AFF1: variants seen among roughly 807,000 people sequenced by gnomAD.
AFF1 encodes the protein AF4/FMR2 family member 1.
Under a neutral mutation model 121.7 loss-of-function variants are expected in AFF1, and 48 were observed. The observed-to-expected ratio is 0.39, with a 90% CI of 0.31 to 0.50. The LOEUF is 0.50. AFF1 is among the 20% of genes least tolerant of loss of function. The pLI is 0.76. For synonymous variants in AFF1, 613 were observed against 563.0 expected (o/e 1.09, Z -1.26); for missense variants, 1,523 against 1,511.7 (o/e 1.01, Z -0.12).
chr4:87,041,517 C>G (rs1437336762), intron 2 of AFF1, among the ~76,000 whole-genome samples: 2 of 152,184 alleles, frequency 1.3e-5, no homozygotes, highest in Non-Finnish European at 2.9e-5. Flanking sequence ...CTCCAGCTAA[C>G]TGACTCAGGT....
At chr4:86,963,494 G>C (rs17012200) in intron 2 of AFF1, among the ~76,000 whole-genome samples, 26,487 of 152,054 alleles carry the variant, frequency 0.17, 2,506 homozygotes, top group East Asian at 0.31. Context: ...CTTGCGTTCA[G>C]GTTACTATGT....
chr4:87,005,953 A>G (rs778987121), intron 2 of AFF1, among the ~76,000 whole-genome samples: 20 of 152,128 alleles, frequency 1.3e-4, no homozygotes, highest in South Asian at 4.1e-4. Context: ...TGAAAAGACA[A>G]TGTCTTTGTG....
intron 2 of AFF1, among the ~76,000 whole-genome samples, chr4:87,023,265 G>A (rs1728210320): frequency 6.6e-6 from 1 of 152,138 alleles, no homozygotes; most frequent in Non-Finnish European, 1.5e-5. Context: ...GAAGAATTCT[G>A]TTTAGTTTTT....
intron 2 of AFF1, among the ~76,000 whole-genome samples, chr4:86,979,183 C>T (rs569840881): frequency 8.5e-5 from 13 of 152,208 alleles, no homozygotes; most frequent in Admixed American, 4.6e-4. Flanking sequence ...CTGCAACCTC[C>T]GCCTCTTGAG....
chr4:86,944,837 G>A (rs1051597871), intron 1 of AFF1, among the ~76,000 whole-genome samples: 1 of 152,108 alleles, frequency 6.6e-6, no homozygotes, highest in African/African-American at 2.4e-5. Context: ...TGTGGTGTGA[G>A]TGTCCATAAA....
At chr4:87,089,892 C>A in intron 5 of AFF1, 92 bp from the exon 6 acceptor site, 6 of 874,876 alleles carry the variant, frequency 6.9e-6, no homozygotes, top group Non-Finnish European at 9.0e-6. Flanking sequence ...CATTTATGAT[C>A]AATCCATTCT....
intron 7 of AFF1, among the ~76,000 whole-genome samples, chr4:87,094,663 G>A (rs555348993): frequency 5.9e-5 from 9 of 152,346 alleles, no homozygotes; most frequent in Admixed American, 5.9e-4. Context: ...CCAACAGGTA[G>A]GTAAGTTCCT....
In AFF1 at chr4:87,090,052, G is replaced by T; in HGVS notation, c.1173G>T (p.Lys391Asn). 6.2e-7 allele frequency: 1 copy of T among 1,613,802 alleles called. No homozygotes were observed. Among genetic ancestry groups the T allele is most frequent in the South Asian group, 1.1e-5 (1 of 91,056 alleles). Reference protein sequence around the residue: ...IHTPSTAEPSKFPFPTKDSQH... With the variant: ...IHTPSTAEPSNFPFPTKDSQH... Reference sequence around the variant, plus strand: ...CGCCTAGTACAGCTGAGCCATCCAAGTTTCCTTTCCCTACAAAGGTAATTC... The same window carrying T: ...CGCCTAGTACAGCTGAGCCATCCAATTTTCCTTTCCCTACAAAGGTAATTC... Residue 391 changes from lysine (K) to asparagine (N), a missense_variant, in exon 6 of 21, where the codon AAG (lysine) becomes AAT (asparagine). Physicochemically the swap from Lys to Asn is moderately conservative, Grantham distance 94. This residue lies in a region of AFF1 where 905 missense variants were observed against 842.5 expected (regional missense o/e 1.07). Transcript: ENST00000395146.
chr4:86,970,371 A>G (rs1722858116), intron 2 of AFF1, among the ~76,000 whole-genome samples: 1 of 152,164 alleles, frequency 6.6e-6, no homozygotes, highest in African/African-American at 2.4e-5. Flanking sequence ...CACTTCCTAG[A>G]ATGTTATTTG....
chr4:86,939,052 G>GT (rs1471756420), intron 1 of AFF1, among the ~76,000 whole-genome samples: 1 of 152,160 alleles, frequency 6.6e-6, no homozygotes, highest in Admixed American at 6.5e-5. Flanking sequence ...CTAATACCGC[G>GT]TAAGTATTGA....
intron 2 of AFF1, among the ~76,000 whole-genome samples, chr4:86,953,800 A>G (rs989583110): frequency 3.3e-5 from 5 of 151,562 alleles, no homozygotes; most frequent in African/African-American, 1.2e-4. Flanking sequence ...GCTCACTGGA[A>G]CCTCCATCTC....
At chr4:87,112,090 G>T (rs921077545) in intron 11 of AFF1, among the ~76,000 whole-genome samples, 2 of 152,166 alleles carry the variant, frequency 1.3e-5, no homozygotes, top group Non-Finnish European at 2.9e-5. Flanking sequence ...CCTGAGGAAG[G>T]GTGTGAAGGC....
chr4:87,103,293 T>G (rs1403192500), intron 8 of AFF1, among the ~76,000 whole-genome samples: 1 of 152,256 alleles, frequency 6.6e-6, no homozygotes, highest in Non-Finnish European at 1.5e-5. Context: ...GTGGTTACTC[T>G]TGGCTGTGCC....
chr4:87,002,505 C>T (rs1335737661), intron 2 of AFF1, among the ~76,000 whole-genome samples: 1 of 141,258 alleles, frequency 7.1e-6, no homozygotes, highest in Admixed American at 7.7e-5. Context: ...GATCTCGGCT[C>T]ACTGCAGTCT....
At chr4:86,994,953 C>G (rs1454402678) in intron 2 of AFF1, among the ~76,000 whole-genome samples, 1 of 152,110 alleles carries the variant, frequency 6.6e-6, no homozygotes, top group Non-Finnish European at 1.5e-5. Context: ...AAGAAACTGT[C>G]TCCAGGCCAG....
chr4:87,094,666 A>G lies in AFF1; in HGVS notation c.1229-249A>G, dbSNP rs140593404. Among the ~76,000 whole-genome samples, 459 of 152,340 alleles carry G rather than the reference A, an allele frequency of 3.0e-3. 3 individuals are homozygous for G. The highest frequency in any genetic ancestry group is 0.01 in the African/African-American group (431 of 41,588). ...CAGGGAGGTCTTCCAACAGGTAGGT[A>G]AGTTCCTGGCGTCATAGGTAGGGTA... On this transcript the variant is annotated intron_variant, in intron 7 of 20. Coordinates refer to ENST00000395146, the MANE Select transcript of AFF1 (RefSeq NM_001166693.3).
intron 2 of AFF1, among the ~76,000 whole-genome samples, chr4:87,007,668 C>T (rs1208794462): frequency 6.6e-6 from 1 of 152,112 alleles, no homozygotes; most frequent in Admixed American, 6.5e-5. Context: ...GTTAGATAGC[C>T]CCCTTCTTCC....
chr4:87,051,595 G>A (rs1271145107), intron 4 of AFF1, among the ~76,000 whole-genome samples: 1 of 151,930 alleles, frequency 6.6e-6, no homozygotes. Flanking sequence ...CATGTAGTTG[G>A]AACTACAGGC....
At chr4:87,007,152 C>G in intron 2 of AFF1, 10 of 1,312,384 alleles carry the variant, frequency 7.6e-6, no homozygotes, top group Non-Finnish European at 9.7e-6. Context: ...TCCCCGGGCT[C>G]GTCTGAAGTG....
Sources: allele counts gnomAD v4.1 joint callset (sites outside exome capture counted in the v4.1 genomes callset), GRCh38; gene constraint gnomAD v4.1.1; regional missense constraint gnomAD v4.1.1; transcripts MANE v1.5; gene names NCBI Gene and HGNC (gene_info 2026-07-23, HGNC 2026-07-21).